Variants in LDLRAD3 observed in about 807,000 individuals in gnomAD.
LDLRAD3 encodes low density lipoprotein receptor class A domain containing 3.
Under a neutral mutation model 29.4 loss-of-function variants are expected in LDLRAD3, and 20 were observed. The ratio of observed to expected loss-of-function variants is 0.68; its 90% confidence interval spans 0.48 to 0.99. The LOEUF is 0.99. Ranked by LOEUF, LDLRAD3 falls within the 50% of genes least tolerant of loss-of-function variation. LDLRAD3 has a pLI of 0.00. For missense variants in LDLRAD3, 420 were observed against 454.3 expected, an observed-to-expected ratio of 0.92 and a Z score of 0.69; for synonymous variants, 157 against 192.7, an observed-to-expected ratio of 0.81 and a Z score of 1.53.
rs182120560 is a variant in LDLRAD3 at position 35,983,054 on chromosome 11, A to G, written c.46+38910A>G. ...TTTTCAGTAGAGGCAGGGTTTTACC[A>G]TGTTGGCCAGGCTGGTCTTGAACTC... On this transcript the variant is annotated intron_variant, in intron 1 of 5. Coordinates refer to ENST00000315571, the MANE Select transcript of LDLRAD3 (RefSeq NM_174902.4). 6.9e-3 allele frequency among the ~76,000 whole-genome samples: 1,052 copies of G among 151,974 alleles called. 4 individuals carry two copies. The highest frequency in any genetic ancestry group is 8.9e-3 in the Non-Finnish European group (607 of 67,950).
rs897155198 is a variant in LDLRAD3 at position 36,227,222 on chromosome 11, C to T, written c.592C>T (p.Arg198Trp). The part of the protein sequence containing the change: ...ALLALVLHHQ[R>W]KRNNLMTLPV... Reference sequence around the variant, plus strand: ...GCTGGCACTGGTCTTGCACCACCAGCGGAAGCGGAACAACCTCATGACGCT... The same window carrying T: ...GCTGGCACTGGTCTTGCACCACCAGTGGAAGCGGAACAACCTCATGACGCT... Residue 198 changes from arginine to tryptophan, a missense_variant, in exon 5 of 6, where the codon CGG becomes TGG. Arg to Trp is a moderately radical substitution (Grantham distance 101). Transcript: ENST00000315571. 8.7e-6 allele frequency: 14 copies of T among 1,614,096 alleles called. No individual in the cohort carries two copies. The East Asian group carries it at 1.1e-4, about 13-fold the overall frequency.
intron 1 of LDLRAD3, among the ~76,000 whole-genome samples, chr11:35,999,077 A>AG (rs1851790713): frequency 6.6e-6 from 1 of 152,208 alleles, no homozygotes; most frequent in Admixed American, 6.5e-5. Context: ...AGGAGCTCAC[A>AG]GCTTTTATTC....
chr11:36,045,478 G>T (rs1414187032), intron 2 of LDLRAD3, among the ~76,000 whole-genome samples: 3 of 152,206 alleles, frequency 2.0e-5, no homozygotes, highest in Non-Finnish European at 2.9e-5. Flanking sequence ...TTCTCTGAAG[G>T]TTCTAGGGGA....
intron 1 of LDLRAD3, among the ~76,000 whole-genome samples, chr11:36,011,592 T>G (rs1392473174): frequency 1.3e-5 from 2 of 152,192 alleles, no homozygotes; most frequent in Non-Finnish European, 2.9e-5. Context: ...ATTATAACCT[T>G]TGAAAGGGTG....
chr11:36,224,759 G>A (rs185141037), intron 4 of LDLRAD3, among the ~76,000 whole-genome samples: 1 of 152,278 alleles, frequency 6.6e-6, no homozygotes, highest in African/African-American at 2.4e-5. Flanking sequence ...CTCAGATTGG[G>A]ATCATTTGGG....
chr11:36,143,335 C>A (rs1446383787), intron 4 of LDLRAD3, among the ~76,000 whole-genome samples: 1 of 152,218 alleles, frequency 6.6e-6, no homozygotes, highest in African/African-American at 2.4e-5. Context: ...CTACCTCTTT[C>A]CCGTGGTGGC....
At chr11:36,054,974 G>GATGGATGGATGGATGGATGGATGC (rs1852593682) in intron 2 of LDLRAD3, among the ~76,000 whole-genome samples, 1 of 27,550 alleles carries the variant, frequency 3.6e-5, no homozygotes, top group Non-Finnish European at 6.2e-5. Flanking sequence ...TGGATGCATG[G>GATGGATGGATGGATGGATGGATGC]ATGGATGGAT....
At chr11:35,981,722 G>A (rs976361569) in intron 1 of LDLRAD3, among the ~76,000 whole-genome samples, 1 of 152,138 alleles carries the variant, frequency 6.6e-6, no homozygotes, top group Non-Finnish European at 1.5e-5. Context: ...GAAATGCAAG[G>A]GTGCTTGGCA....
chr11:36,011,803 C>T (rs184199427), intron 1 of LDLRAD3, among the ~76,000 whole-genome samples: 42 of 152,172 alleles, frequency 2.8e-4, no homozygotes, highest in Admixed American at 2.4e-3. Context: ...AGTAGCTACC[C>T]GATGCAGTGT....
intron 1 of LDLRAD3, among the ~76,000 whole-genome samples, chr11:35,983,155 G>T (rs892637478): frequency 5.3e-5 from 8 of 152,114 alleles, no homozygotes; most frequent in African/African-American, 1.9e-4. Flanking sequence ...CTCCTGGCCA[G>T]TTGCTGCTTT....
In LDLRAD3 at chr11:36,100,012, G is replaced by A. The variant is rs778071406; in HGVS notation, c.454+1551G>A. ...AGCATCAGCATCACATGAGAACTCC[G>A]AAAATGCAGTTGTTCAGGCGCCATT... On this transcript the variant is annotated intron_variant, in intron 4 of 5. Coordinates refer to ENST00000315571, the MANE Select transcript of LDLRAD3 (RefSeq NM_174902.4). Among the ~76,000 whole-genome samples, 5 of 151,934 alleles carry A rather than the reference G, an allele frequency of 3.3e-5. No individual in the cohort carries two copies. The East Asian group carries it at 5.8e-4, about 18-fold the overall frequency.
intron 4 of LDLRAD3, chr11:36,197,882 TAA>T (rs59189246): frequency 1.5e-4 from 21 of 139,904 alleles, no homozygotes; most frequent in Non-Finnish European, 1.6e-4. Flanking sequence ...CCCCATGTCT[TAA>T]AAAAAAAAAA....
intron 2 of LDLRAD3, among the ~76,000 whole-genome samples, chr11:36,078,526 G>A (rs1466207593): frequency 6.6e-6 from 1 of 152,250 alleles, no homozygotes; most frequent in Non-Finnish European, 1.5e-5. Flanking sequence ...TTTGCTCCAT[G>A]ATCTGAGTGG....
chr11:36,122,097 T>G (rs181783100), intron 4 of LDLRAD3, among the ~76,000 whole-genome samples: 1 of 152,174 alleles, frequency 6.6e-6, no homozygotes, highest in Admixed American at 6.5e-5. Flanking sequence ...TCTTGTGACC[T>G]CAGAGCCCAA....
At chr11:36,003,723 A>G (rs538375530) in intron 1 of LDLRAD3, among the ~76,000 whole-genome samples, 2 of 152,320 alleles carry the variant, frequency 1.3e-5, no homozygotes, top group Admixed American at 1.3e-4. Context: ...CCGTTTTCAC[A>G]TTGCTATAAA....
chr11:36,073,897 G>A (rs1371351885), intron 2 of LDLRAD3, among the ~76,000 whole-genome samples: 3 of 152,354 alleles, frequency 2.0e-5, no homozygotes, highest in Non-Finnish European at 4.4e-5. Context: ...AGGCGGCAGA[G>A]CAGCTGTGCC....
intron 1 of LDLRAD3, among the ~76,000 whole-genome samples, chr11:35,996,745 G>A (rs1486677825): frequency 6.6e-6 from 1 of 152,170 alleles, no homozygotes; most frequent in East Asian, 1.9e-4. Context: ...ATGATGAAGG[G>A]AATCAAAGCC....
intron 1 of LDLRAD3, chr11:35,997,266 A>T (rs770372818): frequency 1.1e-5 from 4 of 348,802 alleles, no homozygotes; most frequent in African/African-American, 4.4e-5. Flanking sequence ...CAGCTCACAG[A>T]CTGGGCAGTT....
chr11:36,009,765 A>G (rs1001218998), intron 1 of LDLRAD3, among the ~76,000 whole-genome samples: 7 of 152,200 alleles, frequency 4.6e-5, no homozygotes, highest in Admixed American at 3.9e-4. Context: ...TCCATTATTC[A>G]TATTATGGAA....
Sources: allele counts gnomAD v4.1 joint callset (sites outside exome capture counted in the v4.1 genomes callset), GRCh38; gene constraint gnomAD v4.1.1; transcripts MANE v1.5; gene names NCBI Gene and HGNC (gene_info 2026-07-23, HGNC 2026-07-21).